C5AR2: variants seen among roughly 807,000 people sequenced by gnomAD.
C5AR2 encodes C5a anaphylatoxin chemotactic receptor 2.
For synonymous variants in C5AR2, 224 were observed against 216.5 expected (o/e 1.03, Z -0.30); for missense variants, 458 against 467.5 (o/e 0.98, Z 0.19).
rs768761019 is a variant in C5AR2, at chr19:47,335,771, C to CAAAA, written c.-16+3450_-16+3453dup. 0.04 allele frequency among the ~76,000 whole-genome samples: 928 copies of CAAAA among 23,030 alleles called. 410 individuals are homozygous for CAAAA. In the Middle Eastern group the frequency reaches 0.8, roughly 20 times the overall value. The allele number at this position is 23,030 out of a possible 152,430, so 15.1% of individuals were successfully genotyped here. On this transcript the variant is annotated intron_variant, in intron 1 of 1. Coordinates refer to ENST00000595464, the MANE Select transcript of C5AR2 (RefSeq NM_001271749.2). ...TGGGCGACAGAGTGATACTCCGTCT[C>CAAAA]AAAAAAAAAAAAAAAAAAAAAAAAA...
intron 1 of C5AR2, among the ~76,000 whole-genome samples, chr19:47,334,700 C>T (rs1171308916): frequency 7.6e-6 from 1 of 132,090 alleles, no homozygotes; most frequent in Non-Finnish European, 1.6e-5. Flanking sequence ...TTTAATACAC[C>T]TAGCTTACTG....
intron 1 of C5AR2, chr19:47,337,267 A>T (rs2059361861): frequency 6.6e-6 from 1 of 152,236 alleles, no homozygotes; most frequent in Non-Finnish European, 1.5e-5. Flanking sequence ...GCTGCTCAGG[A>T]CCACTTGCTG....
At chr19:47,337,512 A>G (rs565193694) in intron 1 of C5AR2, among the ~76,000 whole-genome samples, 20 of 152,058 alleles carry the variant, frequency 1.3e-4, no homozygotes, top group African/African-American at 4.8e-4. Context: ...AAATACACAA[A>G]TTAGTTGGGC....
chr19:47,341,501 G>A lies in C5AR2; in HGVS notation c.702G>A (p.Leu234=), dbSNP rs776243989. 6.2e-7 allele frequency: 1 copy of A among 1,611,998 alleles called. No homozygotes were observed. Among genetic ancestry groups the A allele is most frequent in the Admixed American group, 1.7e-5 (1 of 59,974 alleles). Residue 234 remains leucine, a synonymous_variant, in exon 2 of 2, where the codon CTG becomes CTA. Coordinates refer to ENST00000595464, the MANE Select transcript of C5AR2 (RefSeq NM_001271749.2). The surrounding 1 kb of genome is among the most constrained non-coding windows in gnomAD (Gnocchi z 4.6). ...LCWAARRCRP[L]GTAIVVGFFV... ...GGGCAGCCCGACGCTGCCGGCCGCTGGGCACAGCCATTGTGGTGGGGTTTT... is the reference window on the plus strand; with the variant it reads ...GGGCAGCCCGACGCTGCCGGCCGCTAGGCACAGCCATTGTGGTGGGGTTTT...
intron 1 of C5AR2, among the ~76,000 whole-genome samples, chr19:47,334,699 C>T (rs904434615): frequency 7.5e-6 from 1 of 133,456 alleles, no homozygotes; most frequent in African/African-American, 2.9e-5. Context: ...ATTTAATACA[C>T]CTAGCTTACT....
Position 47,341,278 on chromosome 19 carries a change from C to A in C5AR2, c.479C>A (p.Thr160Lys). The A allele has an allele frequency of 6.2e-7, 1 of 1,606,312 alleles. No individual in the cohort carries two copies. The highest frequency in any genetic ancestry group is 8.5e-7 in the Non-Finnish European group (1 of 1,179,858). ...GVQVACGAAW[T>K]LALLLTVPSA... ...CAGGTGGCCTGTGGGGCAGCCTGGACACTGGCCTTGCTGCTCACCGTGCCC... is the reference window on the plus strand; with the variant it reads ...CAGGTGGCCTGTGGGGCAGCCTGGAAACTGGCCTTGCTGCTCACCGTGCCC... The change falls in exon 2 of 2, where the codon ACA (threonine) becomes AAA (lysine). Residue 160 changes from threonine to lysine, a missense_variant. Coordinates refer to ENST00000595464, the MANE Select transcript of C5AR2 (RefSeq NM_001271749.2). This position sits in a 1 kb window ranked among gnomAD's most constrained non-coding sequence, Gnocchi z 4.6.
chr19:47,332,924 C>T (rs1485450484), intron 1 of C5AR2, among the ~76,000 whole-genome samples: 1 of 152,140 alleles, frequency 6.6e-6, no homozygotes, highest in African/African-American at 2.4e-5. Context: ...CTGCAGCTTT[C>T]GGCAGATCCA....
chr19:47,336,446 T>C (rs868661455), intron 1 of C5AR2, among the ~76,000 whole-genome samples: 1 of 36,126 alleles, frequency 2.8e-5, no homozygotes, highest in South Asian at 1.0e-3. Flanking sequence ...CCTTCCTTCC[T>C]TCCTTCCTTC....
At chr19:47,335,801 A>AAAAAAAAAAAAAC (rs1568667945) in intron 1 of C5AR2, among the ~76,000 whole-genome samples, 1 of 138,286 alleles carries the variant, frequency 7.2e-6, no homozygotes, top group Non-Finnish European at 1.5e-5. Context: ...AAAAAAAAAA[A>AAAAAAAAAAAAAC]AGAAAGTTTT....
At chr19:47,335,720 C>T (rs187814531) in intron 1 of C5AR2, among the ~76,000 whole-genome samples, 19 of 132,102 alleles carry the variant, frequency 1.4e-4, no homozygotes, top group African/African-American at 4.1e-4. Flanking sequence ...TGCAGTGAGC[C>T]GAGATCGCAC....
At chr19:47,339,403 G>A (rs1477622304) in intron 1 of C5AR2, among the ~76,000 whole-genome samples, 1 of 151,310 alleles carries the variant, frequency 6.6e-6, no homozygotes, top group Non-Finnish European at 1.5e-5. Flanking sequence ...AGCAACCTCC[G>A]CCTCCCTGGT....
rs1273455410 is a variant in C5AR2, at chr19:47,346,858, G to T, written c.*5045G>T. 6.6e-6 allele frequency: 1 copy of T among 152,130 alleles called. No individual in the cohort carries two copies. Among genetic ancestry groups the T allele is most frequent in the Admixed American group, 6.6e-5 (1 of 15,254 alleles). The allele number at this position is 152,130 out of a possible 1,614,324, so 9.4% of individuals were successfully genotyped here. On this transcript the variant is annotated 3_prime_UTR_variant, in exon 2 of 2. Coordinates refer to ENST00000595464, the MANE Select transcript of C5AR2 (RefSeq NM_001271749.2). ...CTCGTGGGCTAAAACCCCGCTTTGGGGCTTAAAGTTTGCAAAATCCTCCCA... is the reference window on the plus strand; with the variant it reads ...CTCGTGGGCTAAAACCCCGCTTTGGTGCTTAAAGTTTGCAAAATCCTCCCA...
chr19:47,341,131 C>T lies in C5AR2; in HGVS notation c.332C>T (p.Pro111Leu). 1 of 1,602,116 alleles carries T rather than the reference C, an allele frequency of 6.2e-7. No homozygotes were observed. Among genetic ancestry groups the T allele is most frequent in the Non-Finnish European group, 8.5e-7 (1 of 1,179,894 alleles). ...GGTGCAGTGGGCTGTCGGGCGCTGC[C>T]CTCCATCATCCTGCTGACCATGTAT... ...PYGAVGCRAL[P>L]SIILLTMYAS... The change falls in exon 2 of 2, where the codon CCC (proline) becomes CTC (leucine). Residue 111 changes from proline (P) to leucine (L), a missense_variant. By Grantham distance (98) the Pro-to-Leu change is moderately conservative (BLOSUM62 -3). Coordinates refer to ENST00000595464, the MANE Select transcript of C5AR2 (RefSeq NM_001271749.2). This position sits in a 1 kb window ranked among gnomAD's most constrained non-coding sequence, Gnocchi z 4.6.
intron 1 of C5AR2, among the ~76,000 whole-genome samples, chr19:47,337,985 G>C (rs889783798): frequency 6.6e-6 from 1 of 151,580 alleles, no homozygotes; most frequent in Non-Finnish European, 1.5e-5. Context: ...TGTGGCAGGA[G>C]TAATGCTTGA....
In C5AR2 at chr19:47,346,128, A is replaced by T. The variant is rs1036534670; in HGVS notation, c.*4315A>T. The T allele has an allele frequency of 6.6e-6, 1 of 152,076 alleles. No homozygotes were observed. The allele number at this position is 152,076 out of a possible 1,614,324, so 9.4% of individuals were successfully genotyped here. ...TGGTCTTGAACTCCTGACTCAGGTG[A>T]TCTGCCCACCTCGGCCTCCCAAAGT... On this transcript the variant is annotated 3_prime_UTR_variant, in exon 2 of 2. Transcript: ENST00000595464.
chr19:47,341,601 A>G lies in C5AR2; in HGVS notation c.802A>G (p.Arg268Gly), dbSNP rs752679310. 8 of 1,613,894 alleles carry G rather than the reference A, an allele frequency of 5.0e-6. No individual in the cohort carries two copies. Among genetic ancestry groups the G allele is most frequent in the Non-Finnish European group, 8.5e-7 (1 of 1,179,938 alleles). ...VAAPNSALLA[R>G]ALRAEPLIVG... is the part of the protein sequence containing the mutation. Reference sequence around the variant, plus strand: ...GGCCCCGAACTCCGCACTCCTGGCCAGGGCCCTGCGGGCTGAACCCCTCAT... The same window carrying G: ...GGCCCCGAACTCCGCACTCCTGGCCGGGGCCCTGCGGGCTGAACCCCTCAT... The change falls in exon 2 of 2, where the codon AGG becomes GGG. Residue 268 changes from arginine to glycine, a missense_variant. Coordinates refer to ENST00000595464, the MANE Select transcript of C5AR2 (RefSeq NM_001271749.2). The surrounding 1 kb of genome is among the most constrained non-coding windows in gnomAD (Gnocchi z 4.6).
chr19:47,339,707 G>A (rs567302881), intron 1 of C5AR2, among the ~76,000 whole-genome samples: 20 of 152,046 alleles, frequency 1.3e-4, no homozygotes, highest in Non-Finnish European at 2.5e-4. Context: ...GGACATGACC[G>A]TCATGTTCCC....
chr19:47,341,873 C>CAT lies in C5AR2; in HGVS notation c.*62_*63dup. ...CTCATTTCACAAGACTGGCTTCAGG[C>CAT]ATAGCTGGATCCAGGAGCTCAATGA... On this transcript the variant is annotated 3_prime_UTR_variant, in exon 2 of 2. Coordinates refer to ENST00000595464, the MANE Select transcript of C5AR2 (RefSeq NM_001271749.2). The surrounding 1 kb of genome is among the most constrained non-coding windows in gnomAD (Gnocchi z 4.6). 1.4e-6 allele frequency: 2 copies of CAT among 1,474,634 alleles called. No homozygotes were observed. Among genetic ancestry groups the CAT allele is most frequent in the Non-Finnish European group, 1.9e-6 (2 of 1,065,980 alleles). 91.3% of individuals were successfully genotyped at this position (1,474,634 alleles called of 1,614,324 possible).
intron 1 of C5AR2, among the ~76,000 whole-genome samples, chr19:47,335,043 C>G (rs568842496): frequency 2.8e-5 from 3 of 108,120 alleles, no homozygotes; most frequent in East Asian, 5.5e-4. Context: ...CGCCCCCACG[C>G]CCAGCTAATT....
Sources: gnomAD v4.1 joint callset for allele counts (sites outside exome capture counted in the v4.1 genomes callset) on GRCh38, gnomAD v4.1.1 for gene constraint, Gnocchi (gnomAD v3.1) non-coding constraint, MANE v1.5 for transcripts, NCBI Gene and HGNC (gene_info 2026-07-23, HGNC 2026-07-21) for gene names.